The following STK38L variants were observed in gnomAD, a reference collection of about 807,000 sequenced individuals.
STK38L encodes the protein serine/threonine kinase 38 like, also known as serine/threonine-protein kinase 38-like.
STK38L carries 28 observed loss-of-function variants against 59.7 expected under a neutral mutation model. That is an observed-to-expected ratio of 0.47 (90% confidence interval 0.35 to 0.64). STK38L has a LOEUF of 0.64. STK38L is among the 30% of genes least tolerant of loss of function. The pLI is 0.01. For missense variants in STK38L, 314 were observed against 555.8 expected (o/e 0.56, Z 4.37); for synonymous variants, 162 against 176.8 (o/e 0.92, Z 0.66).
chr12:27,261,785 G>A (rs1277976770), intron 1 of STK38L, among the ~76,000 whole-genome samples: 1 of 152,214 alleles, frequency 6.6e-6, no homozygotes, highest in African/African-American at 2.4e-5. Flanking sequence ...GTGGAGAGCA[G>A]TAATGCCTGC....
chr12:27,264,651 G>C (rs1461593616), intron 1 of STK38L, among the ~76,000 whole-genome samples: 1 of 152,190 alleles, frequency 6.6e-6, no homozygotes, highest in Non-Finnish European at 1.5e-5. Flanking sequence ...AACTATTTAT[G>C]TAGCATTTAC....
chr12:27,246,508 G>A (rs1942857101), intron 1 of STK38L, among the ~76,000 whole-genome samples: 1 of 152,182 alleles, frequency 6.6e-6, no homozygotes, highest in African/African-American at 2.4e-5. Context: ...AGATTGGCAA[G>A]TTATGATTAG....
chr12:27,272,831 GC>G (rs1943453183), intron 1 of STK38L, among the ~76,000 whole-genome samples: 1 of 152,008 alleles, frequency 6.6e-6, no homozygotes, highest in Non-Finnish European at 1.5e-5. Flanking sequence ...TTGATTGTAG[GC>G]ATTGTTTTCT....
intron 1 of STK38L, among the ~76,000 whole-genome samples, chr12:27,273,380 A>T (rs1339908850): frequency 6.6e-6 from 1 of 152,114 alleles, no homozygotes; most frequent in African/African-American, 2.4e-5. Flanking sequence ...GAAGAGTCCT[A>T]GGCTAATGAG....
At chr12:27,315,712 T>G (rs1298432635) in intron 9 of STK38L, among the ~76,000 whole-genome samples, 2 of 152,192 alleles carry the variant, frequency 1.3e-5, no homozygotes, top group African/African-American at 4.8e-5. Context: ...ACAACAAATA[T>G]CAATCAGCAA....
At chr12:27,270,786 T>A (rs61915907) in intron 1 of STK38L, among the ~76,000 whole-genome samples, 10,593 of 152,264 alleles carry the variant, frequency 0.07, 501 homozygotes, top group Non-Finnish European at 0.11. Flanking sequence ...ATTACTGGGA[T>A]TATAGGTGTG....
intron 2 of STK38L, 145 bp from the exon 3 acceptor site, chr12:27,301,992 A>C (rs1023986179): frequency 1.9e-6 from 1 of 520,024 alleles, no homozygotes; most frequent in Non-Finnish European, 3.2e-6. Flanking sequence ...AACTATTCTT[A>C]GTGATTATGT....
At chr12:27,317,478 A>G (rs1160085060) in intron 10 of STK38L, 25 bp downstream of exon 10, 2 of 1,514,988 alleles carry the variant, frequency 1.3e-6, no homozygotes, top group African/African-American at 1.4e-5. Flanking sequence ...TCATTTATGT[A>G]CAAAATATAT....
At chr12:27,290,282 G>A (rs1471616780) in intron 1 of STK38L, among the ~76,000 whole-genome samples, 1 of 152,298 alleles carries the variant, frequency 6.6e-6, no homozygotes, top group South Asian at 2.1e-4. Context: ...TTTGCCTAAA[G>A]TGACACAGCT....
chr12:27,303,725 T>C (rs1039433841), intron 3 of STK38L, among the ~76,000 whole-genome samples: 3 of 152,154 alleles, frequency 2.0e-5, no homozygotes, highest in South Asian at 2.1e-4. Context: ...AAATGTTTCA[T>C]AGAAGAAGTA....
chr12:27,312,402 G>A (rs1944477150), intron 5 of STK38L, 147 bp from the exon 6 acceptor site: 2 of 809,750 alleles, frequency 2.5e-6, no homozygotes, highest in Non-Finnish European at 3.7e-6. Context: ...CATATTTGAT[G>A]AGAATACGAA....
rs536026457 is a variant in STK38L, at chr12:27,308,155, C to G, written c.187-184C>G. 6.6e-6 allele frequency among the ~76,000 whole-genome samples: 1 copy of G among 151,760 alleles called. No individual in the cohort carries two copies. Among genetic ancestry groups the G allele is most frequent in the African/African-American group, 2.4e-5 (1 of 41,320 alleles). On this transcript the variant is annotated intron_variant, in intron 3 of 13. Coordinates refer to ENST00000389032, the MANE Select transcript of STK38L (RefSeq NM_015000.4). The surrounding 1 kb of genome is among the most constrained non-coding windows in gnomAD (Gnocchi z 4.5). ...ATTACATATTTAATGGAGTCCACCT[C>G]AAAAGTAAAGATTTATCAGTTGTTA...
Position 27,308,173 on chromosome 12 carries a change from A to G in STK38L, c.187-166A>G, listed in dbSNP as rs1944361069. Among the ~76,000 whole-genome samples the G allele has an allele frequency of 6.6e-6, 1 of 151,994 alleles. No individual in the cohort carries two copies. Among genetic ancestry groups the G allele is most frequent in the Non-Finnish European group, 1.5e-5 (1 of 67,996 alleles). ...TCCACCTCAAAAGTAAAGATTTATCAGTTGTTAAAAATTTTAGAAAGTTTT... is the reference window on the plus strand; with the variant it reads ...TCCACCTCAAAAGTAAAGATTTATCGGTTGTTAAAAATTTTAGAAAGTTTT... On this transcript the variant is annotated intron_variant, in intron 3 of 13. Transcript: ENST00000389032. This position sits in a 1 kb window ranked among gnomAD's most constrained non-coding sequence, Gnocchi z 4.5.
At chr12:27,244,723 A>T (rs1942812442) in intron 1 of STK38L, among the ~76,000 whole-genome samples, 1 of 152,164 alleles carries the variant, frequency 6.6e-6, no homozygotes, top group African/African-American at 2.4e-5. Flanking sequence ...GATGTCACCC[A>T]GAGCCAGGAT....
intron 9 of STK38L, among the ~76,000 whole-genome samples, 192 bp downstream of exon 9, chr12:27,315,542 T>C (rs1484493634): frequency 6.6e-6 from 1 of 152,242 alleles, no homozygotes; most frequent in Non-Finnish European, 1.5e-5. Context: ...TGTTGGTTTT[T>C]ACTTTGTAAC....
At chr12:27,272,879 T>C (rs1394344137) in intron 1 of STK38L, among the ~76,000 whole-genome samples, 1 of 152,176 alleles carries the variant, frequency 6.6e-6, no homozygotes, top group Non-Finnish European at 1.5e-5. Context: ...CTTTAACCTT[T>C]TGCCAGGTCT....
chr12:27,279,822 G>A (rs957858211), intron 1 of STK38L, among the ~76,000 whole-genome samples: 1 of 151,212 alleles, frequency 6.6e-6, no homozygotes, highest in Admixed American at 6.6e-5. Flanking sequence ...AGAGCTTGAT[G>A]CTTTCTAGAA....
intron 1 of STK38L, among the ~76,000 whole-genome samples, chr12:27,286,398 C>G (rs866857060): frequency 6.6e-6 from 1 of 152,250 alleles, no homozygotes; most frequent in Middle Eastern, 3.4e-3. Flanking sequence ...TAATTTCACA[C>G]TGTTTGTTCA....
intron 1 of STK38L, among the ~76,000 whole-genome samples, chr12:27,268,362 T>C (rs370576541): frequency 2.6e-5 from 4 of 151,630 alleles, no homozygotes; most frequent in South Asian, 4.2e-4. Context: ...AGTGAGAACA[T>C]GTGGTGTTTG....
Sources: allele counts gnomAD v4.1 joint callset (sites outside exome capture counted in the v4.1 genomes callset), GRCh38; gene constraint gnomAD v4.1.1; non-coding constraint Gnocchi (gnomAD v3.1); transcripts MANE v1.5; gene names NCBI Gene and HGNC (gene_info 2026-07-23, HGNC 2026-07-21).